The following SFXN5 variants were observed in gnomAD, a reference collection of about 807,000 sequenced individuals.
The protein encoded by SFXN5 is sideroflexin 5.
SFXN5 carries 43 observed loss-of-function variants against 50.2 expected under a neutral mutation model. The observed-to-expected ratio is 0.86, with a 90% CI of 0.67 to 1.11. The LOEUF is 1.11. Ranked by LOEUF, SFXN5 falls within the 50% of genes least tolerant of loss-of-function variation. SFXN5 has a pLI of 0.00. For synonymous variants in SFXN5, 203 were observed against 185.8 expected, an observed-to-expected ratio of 1.09 and a Z score of -0.75; for missense variants, 463 against 454.1, an observed-to-expected ratio of 1.02 and a Z score of -0.18.
At chr2:73,050,730 C>T (rs186598641) in intron 2 of SFXN5, among the ~76,000 whole-genome samples, 33 of 152,320 alleles carry the variant, frequency 2.2e-4, no homozygotes, top group Middle Eastern at 3.4e-3. Context: ...TAGCACCTGG[C>T]TTCCTTCTAG....
In SFXN5 at chr2:72,979,159, T is replaced by C. The variant is rs941197705; in HGVS notation, c.626-7474A>G. Among the ~76,000 whole-genome samples, 8 of 152,196 alleles carry C rather than the reference T, an allele frequency of 5.3e-5. 1 individual carries two copies. Among genetic ancestry groups the C allele is most frequent in the African/African-American group, 1.9e-4 (8 of 41,442 alleles). On this transcript the variant is annotated intron_variant, in intron 10 of 13. Transcript: ENST00000272433. Reference sequence around the variant, plus strand: ...TTCATGAACAATACAATTGATGGCTTATGGTACATGCACATATGCTAAAAT... The same window carrying C: ...TTCATGAACAATACAATTGATGGCTCATGGTACATGCACATATGCTAAAAT...
intron 10 of SFXN5, among the ~76,000 whole-genome samples, chr2:72,979,646 TAAAG>T (rs1671058049): frequency 6.6e-6 from 1 of 151,954 alleles, no homozygotes; most frequent in Non-Finnish European, 1.5e-5. Context: ...AATAAATAAA[TAAAG>T]AAATCATTTA....
intron 2 of SFXN5, among the ~76,000 whole-genome samples, chr2:73,050,151 A>C (rs1207311219): frequency 6.6e-6 from 1 of 152,148 alleles, no homozygotes; most frequent in Non-Finnish European, 1.5e-5. Flanking sequence ...CCAGACAGCC[A>C]TGCTTCAGCT....
Position 73,025,144 on chromosome 2 carries a change from A to C in SFXN5, c.250-1930T>G, listed in dbSNP as rs553476530. 2.0e-5 allele frequency among the ~76,000 whole-genome samples: 3 copies of C among 150,838 alleles called. No individual in the cohort carries two copies. The South Asian group carries it at 6.2e-4, about 31-fold the overall frequency. ...CCTAACAGCAAAGAGGTTATTTAAA[A>C]ACAACAACAACAACAAAAAAAAACA... is the stretch of plus-strand genomic sequence containing the variant. On this transcript the variant is annotated intron_variant, in intron 3 of 13. Coordinates refer to ENST00000272433, the MANE Select transcript of SFXN5 (RefSeq NM_144579.3).
At chr2:73,054,867 C>G (rs1681884928) in intron 2 of SFXN5, among the ~76,000 whole-genome samples, 1 of 152,226 alleles carries the variant, frequency 6.6e-6, no homozygotes, top group Admixed American at 6.5e-5. Context: ...GTTTTGTGCT[C>G]TTGCAACTTT....
chr2:73,033,002 C>T (rs1194637777), intron 3 of SFXN5, among the ~76,000 whole-genome samples: 1 of 152,166 alleles, frequency 6.6e-6, no homozygotes, highest in African/African-American at 2.4e-5. Flanking sequence ...TGCAGCATAG[C>T]ACACAGCAGC....
At chr2:73,019,418 C>CA (rs1676553028) in intron 6 of SFXN5, 1 of 129,870 alleles carries the variant, frequency 7.7e-6, no homozygotes, top group Non-Finnish European at 1.7e-5. Context: ...GCTTGCTTTT[C>CA]TTTTTTTTTT....
chr2:73,052,336 G>GA (rs1559208035), intron 2 of SFXN5, among the ~76,000 whole-genome samples: 1 of 124,776 alleles, frequency 8.0e-6, no homozygotes, highest in Non-Finnish European at 1.6e-5. Flanking sequence ...ATGTAAGAGA[G>GA]AGAGTGTGTG....
chr2:73,062,202 G>A (rs534491313), intron 1 of SFXN5, among the ~76,000 whole-genome samples: 1 of 152,192 alleles, frequency 6.6e-6, no homozygotes, highest in Admixed American at 6.5e-5. Flanking sequence ...GCTATTGAAT[G>A]TTCCTTCCTT....
chr2:72,970,207 A>G (rs1674987514), intron 11 of SFXN5, among the ~76,000 whole-genome samples: 1 of 152,160 alleles, frequency 6.6e-6, no homozygotes, highest in African/African-American at 2.4e-5. Flanking sequence ...GGAAACTGAG[A>G]CTAAATCCCC....
rs1453983799 is a variant in SFXN5 at position 72,942,223 on chromosome 2, C to T, written c.*2799G>A. On this transcript the variant is annotated 3_prime_UTR_variant, in exon 14 of 14. Transcript: ENST00000272433. ...CCTGGGTCTGTCCACCAGCCTTTTT[C>T]CTCCTCTAGGCTCCTGCCCTTTTCC... 6.6e-6 allele frequency: 1 copy of T among 152,244 alleles called. No homozygotes were observed. Among genetic ancestry groups the T allele is most frequent in the East Asian group, 1.9e-4 (1 of 5,184 alleles). 9.4% of individuals were successfully genotyped at this position (152,244 alleles called of 1,614,324 possible).
chr2:73,040,263 AACTACT>A (rs2105921176), intron 3 of SFXN5, among the ~76,000 whole-genome samples: 1 of 152,324 alleles, frequency 6.6e-6, no homozygotes, highest in East Asian at 1.9e-4. Flanking sequence ...TGTAATCATT[AACTACT>A]ACCTTCCCTT....
chr2:72,975,960 A>T (rs553410839), intron 10 of SFXN5, among the ~76,000 whole-genome samples: 20 of 152,374 alleles, frequency 1.3e-4, no homozygotes, highest in African/African-American at 4.6e-4. Flanking sequence ...TGTTTGTAAG[A>T]GCAAATAATT....
chr2:72,969,843 G>A (rs754891689), intron 11 of SFXN5, among the ~76,000 whole-genome samples: 21 of 152,022 alleles, frequency 1.4e-4, no homozygotes, highest in South Asian at 2.1e-4. Flanking sequence ...GGTTTCCCTC[G>A]GGGTCTGCTT....
At chr2:73,006,553 A>C (rs1674693599) in intron 6 of SFXN5, among the ~76,000 whole-genome samples, 1 of 151,896 alleles carries the variant, frequency 6.6e-6, no homozygotes, top group African/African-American at 2.4e-5. Flanking sequence ...ACCCAGGAGA[A>C]GGAGGTTGCA....
chr2:72,987,720 A>G (rs185960410), intron 10 of SFXN5, among the ~76,000 whole-genome samples: 1 of 152,208 alleles, frequency 6.6e-6, no homozygotes, highest in Non-Finnish European at 1.5e-5. Context: ...GCACCACCAT[A>G]CTCCAGCCTG....
intron 2 of SFXN5, among the ~76,000 whole-genome samples, chr2:73,057,659 C>T (rs1299869029): frequency 6.6e-6 from 1 of 152,174 alleles, no homozygotes; most frequent in Non-Finnish European, 1.5e-5. Flanking sequence ...TGGTTTGCTT[C>T]TGTGTCCCCA....
intron 13 of SFXN5, among the ~76,000 whole-genome samples, chr2:72,957,819 C>A (rs1206059417): frequency 6.6e-6 from 1 of 152,226 alleles, no homozygotes; most frequent in Admixed American, 6.5e-5. Flanking sequence ...CCCAGGCTAG[C>A]CTGCATCTTG....
chr2:73,053,177 A>G (rs898006380), intron 2 of SFXN5, among the ~76,000 whole-genome samples: 3 of 151,632 alleles, frequency 2.0e-5, no homozygotes, highest in Admixed American at 6.6e-5. Flanking sequence ...CTGCCTCGAA[A>G]AAAAAAAAAA....
Sources: gnomAD v4.1 joint callset for allele counts (sites outside exome capture counted in the v4.1 genomes callset) on GRCh38, gnomAD v4.1.1 for gene constraint, MANE v1.5 for transcripts, NCBI Gene and HGNC (gene_info 2026-07-23, HGNC 2026-07-21) for gene names.